The following IL7 variants were observed in gnomAD, a reference collection of about 807,000 sequenced individuals.
IL7 encodes interleukin-7.
Under a neutral mutation model 21.6 loss-of-function variants are expected in IL7, and 3 were observed. The observed-to-expected ratio is 0.14, with a 90% CI of 0.06 to 0.36. The LOEUF (loss-of-function observed/expected upper bound fraction) is 0.36. IL7 is among the 10% of genes least tolerant of loss of function. The pLI, the probability that IL7 is intolerant of heterozygous loss-of-function variation, is 1.00. For synonymous variants in IL7, 62 were observed against 68.1 expected (o/e 0.91, Z 0.44); for missense variants, 175 against 200.2 (o/e 0.87, Z 0.76).
At chr8:78,683,032 G>A (rs1260272019) in intron 4 of IL7, among the ~76,000 whole-genome samples, 1 of 152,184 alleles carries the variant, frequency 6.6e-6, no homozygotes, top group African/African-American at 2.4e-5. Flanking sequence ...CAAAAGATGG[G>A]CTCCCATGGC....
intron 3 of IL7, among the ~76,000 whole-genome samples, chr8:78,705,035 A>G (rs1161246345): frequency 1.3e-5 from 2 of 152,070 alleles, no homozygotes; most frequent in African/African-American, 2.4e-5. Context: ...CTTTCATTGG[A>G]TTACAATGTA....
At position 78,740,083 on chromosome 8, in the gene IL7, C is replaced by G; in HGVS notation, c.148-1G>C. ...TGCTACCAATTTCTTTCATGCTGTC[C>G]TGTAATAAATAACATAAAATAATAT... On this transcript the variant is annotated splice_acceptor_variant, in intron 2 of 5. Coordinates refer to ENST00000263851, the MANE Select transcript of IL7 (RefSeq NM_000880.4). LOFTEE classifies it high-confidence loss of function. The G allele has an allele frequency of 6.8e-7, 1 of 1,480,664 alleles. No individual in the cohort carries two copies. The highest frequency in any genetic ancestry group is 9.0e-7 in the Non-Finnish European group (1 of 1,113,820). 91.7% of individuals were successfully genotyped at this position (1,480,664 alleles called of 1,614,324 possible). A position where few individuals can be genotyped will look rare whatever the true frequency, so the allele number is the denominator to read the frequency against.
intron 3 of IL7, among the ~76,000 whole-genome samples, chr8:78,710,031 C>T (rs985477207): frequency 6.6e-6 from 1 of 152,186 alleles, no homozygotes; most frequent in African/African-American, 2.4e-5. Context: ...CTGGTATCAA[C>T]AGTAAATGAC....
chr8:78,706,702 T>C (rs1810785313), intron 3 of IL7, among the ~76,000 whole-genome samples: 1 of 152,176 alleles, frequency 6.6e-6, no homozygotes, highest in Non-Finnish European at 1.5e-5. Flanking sequence ...TACTCACCCC[T>C]TTTCCTGTTA....
chr8:78,709,878 A>G (rs941610188), intron 3 of IL7, among the ~76,000 whole-genome samples: 3 of 152,196 alleles, frequency 2.0e-5, no homozygotes, highest in Admixed American at 6.5e-5. Context: ...AAGATACAAA[A>G]TACCATCCGG....
chr8:78,726,155 G>A (rs538864921), intron 3 of IL7, among the ~76,000 whole-genome samples: 1 of 152,036 alleles, frequency 6.6e-6, no homozygotes, highest in African/African-American at 2.4e-5. Context: ...TGATTTCATT[G>A]AAAAAGTGAT....
chr8:78,769,723 CCAAGTCA>C (rs1563428393), intron 2 of IL7, among the ~76,000 whole-genome samples: 1 of 152,132 alleles, frequency 6.6e-6, no homozygotes, highest in Non-Finnish European at 1.5e-5. Flanking sequence ...GCCCACATCG[CCAAGTCA>C]AACCTAAGCC....
chr8:78,782,250 C>T (rs1317656668), intron 2 of IL7, among the ~76,000 whole-genome samples: 3 of 152,158 alleles, frequency 2.0e-5, no homozygotes, highest in Non-Finnish European at 2.9e-5. Flanking sequence ...CAGTTCTGTG[C>T]CTTGTTGGAA....
chr8:78,760,989 T>C, intron 2 of IL7: 1 of 1,594,246 alleles, frequency 6.3e-7, no homozygotes, highest in Non-Finnish European at 8.5e-7. Flanking sequence ...ATAGTAACAA[T>C]GAAATCAAAA....
intron 3 of IL7, among the ~76,000 whole-genome samples, chr8:78,697,824 G>A (rs938189669): frequency 4.6e-5 from 7 of 151,744 alleles, no homozygotes; most frequent in South Asian, 2.1e-4. Context: ...GACTATAGGC[G>A]GGTGCCACCA....
intron 3 of IL7, among the ~76,000 whole-genome samples, chr8:78,694,191 G>T (rs1810319913): frequency 6.6e-6 from 1 of 150,476 alleles, no homozygotes; most frequent in African/African-American, 2.4e-5. Context: ...TTTCATAGTT[G>T]TCTGCTATTT....
chr8:78,792,292 G>T (rs1432375991), intron 2 of IL7, among the ~76,000 whole-genome samples: 1 of 152,146 alleles, frequency 6.6e-6, no homozygotes, highest in Non-Finnish European at 1.5e-5. Context: ...AACTCAATAT[G>T]AATCAAAGAC....
intron 3 of IL7, among the ~76,000 whole-genome samples, chr8:78,722,540 T>A (rs1238163563): frequency 2.0e-5 from 3 of 152,008 alleles, no homozygotes; most frequent in Non-Finnish European, 4.4e-5. Context: ...ATGTGTGATC[T>A]TTAACTAAGA....
intron 2 of IL7, among the ~76,000 whole-genome samples, chr8:78,783,535 A>G (rs1378759083): frequency 6.6e-6 from 1 of 152,052 alleles, no homozygotes; most frequent in Non-Finnish European, 1.5e-5. Flanking sequence ...CTAGTCAGCC[A>G]TCATGGCCCA....
chr8:78,727,760 G>A (rs1341227127), intron 3 of IL7, among the ~76,000 whole-genome samples: 2 of 151,876 alleles, frequency 1.3e-5, no homozygotes, highest in Non-Finnish European at 2.9e-5. Context: ...TTGGCTGGGG[G>A]AGGGGCTATG....
intron 3 of IL7, chr8:78,697,516 G>T: frequency 6.3e-7 from 1 of 1,598,854 alleles, no homozygotes; most frequent in Non-Finnish European, 8.5e-7. Flanking sequence ...GGTAATGATA[G>T]CCGAAAAGCA....
At chr8:78,800,985 A>T (rs1449419460) in intron 1 of IL7, among the ~76,000 whole-genome samples, 1 of 152,158 alleles carries the variant, frequency 6.6e-6, no homozygotes, top group African/African-American at 2.4e-5. Flanking sequence ...GTGCTCCTCA[A>T]ATTTAAATCA....
In IL7 at chr8:78,675,977, G is replaced by A. The variant is rs113182613; in HGVS notation, n.401C>T. The A allele has an allele frequency of 4.0e-3, 3,170 of 797,702 alleles. 65 individuals carry two copies. The African/African-American group carries it at 0.05, about 13-fold the overall frequency. The allele number at this position is 797,702 out of a possible 1,614,324, so 49.4% of individuals were successfully genotyped here. A position where few individuals can be genotyped will look rare whatever the true frequency, so the allele number is the denominator to read the frequency against. ...GGAATAGTTTTTGAAGAGTTAATGG[G>A]TACTATTCTTTGTTCAAGGGTCTTG... On this transcript the variant is annotated non_coding_transcript_exon_variant, in exon 5 of 5. Coordinates refer to the IL7 transcript ENST00000523959.
chr8:78,778,138 A>G (rs896798778), intron 2 of IL7, among the ~76,000 whole-genome samples: 1 of 152,118 alleles, frequency 6.6e-6, no homozygotes, highest in Non-Finnish European at 1.5e-5. Flanking sequence ...CTCTCTTTCA[A>G]AACTAAACCT....
Sources: gnomAD v4.1 joint callset for allele counts (sites outside exome capture counted in the v4.1 genomes callset) on GRCh38, gnomAD v4.1.1 for gene constraint, MANE v1.5 for transcripts, NCBI Gene and HGNC (gene_info 2026-07-23, HGNC 2026-07-21) for gene names.